The following FBXO25 variants were observed in gnomAD, a reference collection of about 807,000 sequenced individuals.
FBXO25 encodes F-box only protein 25.
FBXO25 carries 45 observed loss-of-function variants against 51.9 expected under a neutral mutation model. The observed-to-expected ratio is 0.87, with a 90% CI of 0.68 to 1.11. FBXO25 has a LOEUF of 1.11. FBXO25 is among the 50% of genes most tolerant of loss of function. The probability of loss-of-function intolerance (pLI) is 0.00; values close to 1 mark genes in which losing one functional copy is unlikely to be tolerated. For missense variants in FBXO25, 507 were observed against 428.5 expected (o/e 1.18, Z -1.62); for synonymous variants, 199 against 151.0 (o/e 1.32, Z -2.33).
chr8:448,838 A>G (rs1156814555), intron 5 of FBXO25, among the ~76,000 whole-genome samples: 1 of 152,248 alleles, frequency 6.6e-6, no homozygotes, highest in Non-Finnish European at 1.5e-5. Flanking sequence ...AATGTGGAAC[A>G]GTAAACTAAC....
At chr8:416,259 C>G (rs186084005) in intron 2 of FBXO25, among the ~76,000 whole-genome samples, 73 of 152,352 alleles carry the variant, frequency 4.8e-4, no homozygotes, top group African/African-American at 1.7e-3. Context: ...CTCCTTCACT[C>G]TACTCTGATG....
intron 5 of FBXO25, among the ~76,000 whole-genome samples, chr8:437,988 G>C (rs1368745089): frequency 6.6e-6 from 1 of 151,464 alleles, no homozygotes; most frequent in South Asian, 2.1e-4. Context: ...TTGATAAAAG[G>C]TTTCCTTTTT....
intron 1 of FBXO25, among the ~76,000 whole-genome samples, chr8:410,545 G>A (rs1294069835): frequency 6.6e-6 from 1 of 152,074 alleles, no homozygotes; most frequent in Non-Finnish European, 1.5e-5. Context: ...TGTTTTATGA[G>A]ACTCAAGGTG....
chr8:412,410 C>T (rs1796532555), intron 1 of FBXO25, among the ~76,000 whole-genome samples: 1 of 152,212 alleles, frequency 6.6e-6, no homozygotes, highest in Admixed American at 6.5e-5. Flanking sequence ...TGTATACTCT[C>T]ACCTTTTAAA....
intron 5 of FBXO25, among the ~76,000 whole-genome samples, chr8:437,603 C>G (rs1026340575): frequency 7.2e-5 from 11 of 152,228 alleles, no homozygotes; most frequent in African/African-American, 2.2e-4. Context: ...AAACAAGAAG[C>G]AGCCTTTGTG....
intron 2 of FBXO25, among the ~76,000 whole-genome samples, chr8:420,968 G>T (rs1225399874): frequency 6.6e-6 from 1 of 152,196 alleles, no homozygotes; most frequent in Non-Finnish European, 1.5e-5. Flanking sequence ...TGTGACAGAT[G>T]AATCAAATGG....
chr8:441,136 C>A (rs1343207308), intron 5 of FBXO25, among the ~76,000 whole-genome samples: 4 of 151,128 alleles, frequency 2.6e-5, no homozygotes, highest in Non-Finnish European at 4.4e-5. Flanking sequence ...CTACAGTAAC[C>A]AAAACAGCAT....
At chr8:410,839 G>C (rs965485039) in intron 1 of FBXO25, among the ~76,000 whole-genome samples, 25 of 152,156 alleles carry the variant, frequency 1.6e-4, no homozygotes, top group African/African-American at 5.8e-4. Context: ...CTGACTATAA[G>C]TCAGTTTAGC....
intron 2 of FBXO25, among the ~76,000 whole-genome samples, chr8:415,788 A>G (rs1304449940): frequency 1.3e-5 from 2 of 152,216 alleles, no homozygotes; most frequent in Non-Finnish European, 1.5e-5. Context: ...ATGTTTGATG[A>G]CAGAAATTGT....
chr8:409,599 G>A (rs531898931), intron 1 of FBXO25, among the ~76,000 whole-genome samples: 2 of 152,316 alleles, frequency 1.3e-5, no homozygotes, highest in South Asian at 2.1e-4. Flanking sequence ...ATTAAATGAT[G>A]AGTGGGCATA....
rs567701672 is a variant in FBXO25, at chr8:468,244, C to A, written c.988-471C>A. ...CCTTGGGGGCTGAGGCCGTGTGTCC[C>A]CCTCTCCTGTCCTATGCAGGGAGCC... On this transcript the variant is annotated intron_variant, in intron 9 of 9. Transcript: ENST00000350302. The A allele has an allele frequency of 4.0e-6, 4 of 1,011,972 alleles. No homozygotes were observed. The East Asian group carries it at 4.1e-4, about 104-fold the overall frequency. The allele number at this position is 1,011,972 out of a possible 1,614,324, so 62.7% of individuals were successfully genotyped here. A position where few individuals can be genotyped will look rare whatever the true frequency, so the allele number is the denominator to read the frequency against.
In FBXO25 at chr8:472,570, G is replaced by C. The variant is rs1001378702; in HGVS notation, c.*3766G>C. 6.6e-6 allele frequency: 1 copy of C among 150,856 alleles called. No homozygotes were observed. The highest frequency in any genetic ancestry group is 1.5e-5 in the Non-Finnish European group (1 of 67,822). 9.3% of individuals were successfully genotyped at this position (150,856 alleles called of 1,614,324 possible). Reference sequence around the variant, plus strand: ...TTGGGTTTTGGTGTCCATCTCATAGGATAAGCTTAGAAAGTGTTCCCTCTT... The same window carrying C: ...TTGGGTTTTGGTGTCCATCTCATAGCATAAGCTTAGAAAGTGTTCCCTCTT... On this transcript the variant is annotated 3_prime_UTR_variant, in exon 10 of 10. Transcript: ENST00000350302.
intron 4 of FBXO25, among the ~76,000 whole-genome samples, chr8:434,809 A>G (rs1798006426): frequency 1.3e-5 from 2 of 152,258 alleles, no homozygotes; most frequent in Non-Finnish European, 2.9e-5. Flanking sequence ...AATATAGGAT[A>G]AGGGTATATC....
At chr8:414,357 T>C (rs1437292360) in intron 2 of FBXO25, among the ~76,000 whole-genome samples, 3 of 152,330 alleles carry the variant, frequency 2.0e-5, no homozygotes, top group Middle Eastern at 3.4e-3. Flanking sequence ...TTTTTTAAAA[T>C]TTAAAGATGG....
At chr8:456,864 G>A (rs917274373) in intron 7 of FBXO25, among the ~76,000 whole-genome samples, 2 of 152,164 alleles carry the variant, frequency 1.3e-5, no homozygotes, top group African/African-American at 4.8e-5. Context: ...CCATAGCGAG[G>A]ACATTATAGG....
chr8:425,010 GT>G (rs975848939), intron 2 of FBXO25, among the ~76,000 whole-genome samples: 1 of 152,118 alleles, frequency 6.6e-6, no homozygotes, highest in African/African-American at 2.4e-5. Context: ...ACTGCAAAGA[GT>G]TTTATAAAGT....
At chr8:453,941 T>C (rs1289621697) in intron 7 of FBXO25, among the ~76,000 whole-genome samples, 3 of 152,086 alleles carry the variant, frequency 2.0e-5, no homozygotes, top group African/African-American at 4.8e-5. Context: ...CTGGCCAGCA[T>C]GGTGAAACGC....
At position 435,677 on chromosome 8, in the gene FBXO25, A is replaced by G. The variant is rs761178308; in HGVS notation, c.351A>G (p.Gln117=). Reference sequence around the variant, plus strand: ...GGTTAGACTTCTCAAGTGCAATTCAAGATATCCGAAGGTTCAATTATGTGG... The same window carrying G: ...GGTTAGACTTCTCAAGTGCAATTCAGGATATCCGAAGGTTCAATTATGTGG... ...FNRLDFSSAI[Q]DIRRFNYVVK... is the part of the protein sequence containing the mutation. Residue 117 remains glutamine (Q), a synonymous_variant, in exon 5 of 10, where the codon CAA becomes CAG. Transcript: ENST00000350302. The G allele has an allele frequency of 1.8e-5, 28 of 1,599,652 alleles. No homozygotes were observed. Among genetic ancestry groups the G allele is most frequent in the African/African-American group, 8.1e-5 (6 of 74,142 alleles).
intron 5 of FBXO25, among the ~76,000 whole-genome samples, chr8:446,830 G>A (rs1451407749): frequency 6.6e-6 from 1 of 152,092 alleles, no homozygotes; most frequent in East Asian, 1.9e-4. Context: ...TCATGTAATT[G>A]TCACATTTAT....
Sources: gnomAD v4.1 joint callset for allele counts (sites outside exome capture counted in the v4.1 genomes callset) on GRCh38, gnomAD v4.1.1 for gene constraint, MANE v1.5 for transcripts, NCBI Gene and HGNC (gene_info 2026-07-23, HGNC 2026-07-21) for gene names.